The following SMYD3 variants were observed in gnomAD, a reference collection of about 807,000 sequenced individuals.
SMYD3 encodes the protein histone-lysine N-methyltransferase SMYD3.
SMYD3 carries 36 observed loss-of-function variants against 57.7 expected under a neutral mutation model. That is an observed-to-expected ratio of 0.62 (90% CI 0.48 to 0.82). The LOEUF is 0.82. Among genes scored for constraint, SMYD3 ranks in the 40% least tolerant of loss-of-function variants. The pLI is 0.00. For synonymous variants in SMYD3, 211 were observed against 195.0 expected (o/e 1.08, Z -0.68); for missense variants, 515 against 538.8 (o/e 0.96, Z 0.44).
intron 5 of SMYD3, chr1:246,178,797 AGG>A (rs2062479547): frequency 6.6e-6 from 1 of 152,034 alleles, no homozygotes; most frequent in Non-Finnish European, 1.5e-5. Context: ...GCTAGCCAGA[AGG>A]GAAAGACTGA....
rs952347654 is a variant in SMYD3, at chr1:245,924,669, T to G, written c.702+3262A>C. Among the ~76,000 whole-genome samples the G allele has an allele frequency of 8.1e-4, 122 of 150,268 alleles. 1 individual carries two copies. In the East Asian group the frequency reaches 0.02, roughly 24 times the overall value. ...CTCTATTCCAGCTTTTTTTTTTTTT[T>G]TTTTTTTTTCTGAGATGGAGTTTCA... is the stretch of plus-strand genomic sequence containing the variant. On this transcript the variant is annotated intron_variant, in intron 7 of 11. Coordinates refer to ENST00000490107, the MANE Select transcript of SMYD3 (RefSeq NM_001167740.2).
intron 5 of SMYD3, among the ~76,000 whole-genome samples, chr1:245,988,107 A>AACACACAC (rs35432668): frequency 1.2e-4 from 18 of 148,796 alleles, no homozygotes; most frequent in East Asian, 1.0e-3. Context: ...AACCAAACCA[A>AACACACAC]ACACACACAC....
intron 5 of SMYD3, among the ~76,000 whole-genome samples, chr1:246,197,996 A>C (rs76778179): frequency 0.045 from 6,789 of 152,256 alleles, 453 homozygotes; most frequent in East Asian, 0.24. Flanking sequence ...AAACTGCTGG[A>C]TCTGAATCCC....
Position 246,173,101 on chromosome 1 carries a change from T to C in SMYD3, c.531+154100A>G, listed in dbSNP as rs559202959. ...ACTCACTGTACTCTACTGTAGACTT[T>C]ATCAACACTACACACTTAGGCTACA... On this transcript the variant is annotated intron_variant, in intron 5 of 11. Coordinates refer to ENST00000490107, the MANE Select transcript of SMYD3 (RefSeq NM_001167740.2). 4.8e-3 allele frequency among the ~76,000 whole-genome samples: 723 copies of C among 150,710 alleles called. 2 individuals are homozygous for C. The highest frequency in any genetic ancestry group is 0.01 in the Middle Eastern group (3 of 286).
intron 5 of SMYD3, among the ~76,000 whole-genome samples, chr1:246,224,634 G>A (rs2063302138): frequency 6.6e-6 from 1 of 151,852 alleles, no homozygotes; most frequent in Admixed American, 6.6e-5. Flanking sequence ...AGGAAAGGAA[G>A]GAGGAGGAGG....
At chr1:246,321,500 CCTCT>C (rs777568677) in intron 5 of SMYD3, among the ~76,000 whole-genome samples, 13 of 152,192 alleles carry the variant, frequency 8.5e-5, no homozygotes, top group African/African-American at 1.2e-4. Context: ...TTAAATTTGG[CCTCT>C]CTCTAACTGT....
In SMYD3 at chr1:245,989,110, C is replaced by T. The variant is rs137869113; in HGVS notation, c.532-59173G>A. Among the ~76,000 whole-genome samples, 603 of 152,368 alleles carry T rather than the reference C, an allele frequency of 4.0e-3. 7 individuals carry two copies. Among genetic ancestry groups the T allele is most frequent in the Middle Eastern group, 0.031 (9 of 294 alleles). Reference sequence around the variant, plus strand: ...TAACCACTTAGATCATTTCTAACTTCATGATTCCATGACTTCTTAGACTTT... The same window carrying T: ...TAACCACTTAGATCATTTCTAACTTTATGATTCCATGACTTCTTAGACTTT... On this transcript the variant is annotated intron_variant, in intron 5 of 11. Coordinates refer to ENST00000490107, the MANE Select transcript of SMYD3 (RefSeq NM_001167740.2).
chr1:246,145,274 T>A (rs2061825096), intron 5 of SMYD3, among the ~76,000 whole-genome samples: 2 of 152,204 alleles, frequency 1.3e-5, no homozygotes, highest in African/African-American at 4.8e-5. Flanking sequence ...GAAAGCGGTA[T>A]AACATCTAAC....
Position 245,779,960 on chromosome 1 carries a change from C to T in SMYD3, c.1077-15811G>A, listed in dbSNP as rs556027322. On this transcript the variant is annotated intron_variant, in intron 10 of 11. Transcript: ENST00000490107. The stretch of plus-strand genomic sequence containing the variant: ...GATTAGCCATCAGGGAAACGTGACT[C>T]GAAGCCAGTGTAGTACCACCTCACA... Among the ~76,000 whole-genome samples the T allele has an allele frequency of 5.7e-4, 87 of 152,254 alleles. 1 individual carries two copies. The highest frequency in any genetic ancestry group is 2.0e-3 in the Admixed American group (31 of 15,296).
intron 1 of SMYD3, among the ~76,000 whole-genome samples, chr1:246,412,537 AT>A (rs34608226): frequency 1.2e-3 from 172 of 148,956 alleles, no homozygotes; most frequent in Middle Eastern, 3.5e-3. Context: ...ATACTACCTG[AT>A]TTTTTTTTTT....
At chr1:246,198,391 A>G (rs1292272988) in intron 5 of SMYD3, among the ~76,000 whole-genome samples, 2 of 152,260 alleles carry the variant, frequency 1.3e-5, no homozygotes, top group African/African-American at 4.8e-5. Flanking sequence ...GTTTATTTCT[A>G]ATATTCAAAT....
intron 1 of SMYD3, among the ~76,000 whole-genome samples, chr1:246,459,453 T>C (rs1478606437): frequency 6.6e-6 from 1 of 150,722 alleles, no homozygotes; most frequent in Non-Finnish European, 1.5e-5. Flanking sequence ...CCCCCTTCAC[T>C]CTCTTGTTCT....
intron 5 of SMYD3, among the ~76,000 whole-genome samples, chr1:246,211,496 T>C (rs549445707): frequency 3.3e-5 from 5 of 152,176 alleles, no homozygotes; most frequent in African/African-American, 1.2e-4. Flanking sequence ...TCTCCACTGA[T>C]ACCACAATAT....
At chr1:246,383,197 A>G (rs1462475659) in intron 1 of SMYD3, among the ~76,000 whole-genome samples, 1 of 152,274 alleles carries the variant, frequency 6.6e-6, no homozygotes, top group Non-Finnish European at 1.5e-5. Flanking sequence ...CCTTACAGGC[A>G]TGAAAGACAC....
At chr1:246,378,727 A>ATATATAATTATATATAATATAT (rs1339003753) in intron 1 of SMYD3, among the ~76,000 whole-genome samples, 509 of 25,308 alleles carry the variant, frequency 0.02, 12 homozygotes, top group Non-Finnish European at 0.036. Context: ...ATAATATATT[A>ATATATAATTATATATAATATAT]TATATTATAT....
At chr1:246,356,175 C>T (rs183443204) in intron 1 of SMYD3, among the ~76,000 whole-genome samples, 82 of 152,290 alleles carry the variant, frequency 5.4e-4, no homozygotes, top group African/African-American at 1.9e-3. Flanking sequence ...CACTGGGTGG[C>T]TAGACCCAGA....
chr1:246,367,709 G>T (rs2066129316), intron 1 of SMYD3, among the ~76,000 whole-genome samples: 1 of 152,076 alleles, frequency 6.6e-6, no homozygotes, highest in Admixed American at 6.5e-5. Context: ...TGAGATTACA[G>T]GCGTGAGCCA....
chr1:246,355,328 G>A lies in SMYD3; in HGVS notation c.165-234C>T, dbSNP rs2065895041. On this transcript the variant is annotated intron_variant, in intron 1 of 11. Coordinates refer to ENST00000490107, the MANE Select transcript of SMYD3 (RefSeq NM_001167740.2). The surrounding 1 kb of genome is among the most constrained non-coding windows in gnomAD (Gnocchi z 5.0). Reference sequence around the variant, plus strand: ...TCTGACAGAAGATGGCGGGGAAGAGGCAGGACCAGCTTGCAGCTCCCGATC... The same window carrying A: ...TCTGACAGAAGATGGCGGGGAAGAGACAGGACCAGCTTGCAGCTCCCGATC... 6.0e-6 allele frequency: 3 copies of A among 502,820 alleles called. No homozygotes were observed. Among genetic ancestry groups the A allele is most frequent in the Admixed American group, 3.5e-5 (1 of 28,438 alleles). 31.1% of individuals were successfully genotyped at this position (502,820 alleles called of 1,614,324 possible).
rs11485002 is a variant in SMYD3 at position 246,045,464 on chromosome 1, T to C, written c.532-115527A>G. Among the ~76,000 whole-genome samples the C allele has an allele frequency of 3.4e-3, 513 of 152,186 alleles. 4 individuals carry two copies. Among genetic ancestry groups the C allele is most frequent in the Non-Finnish European group, 5.2e-3 (354 of 67,986 alleles). ...CTGAAACTGGATCCCTTCCTTACAC[T>C]TTATACAAAAATTAATTCAAGATGG... On this transcript the variant is annotated intron_variant, in intron 5 of 11. Coordinates refer to ENST00000490107, the MANE Select transcript of SMYD3 (RefSeq NM_001167740.2).
Sources: gnomAD v4.1 joint callset for allele counts (sites outside exome capture counted in the v4.1 genomes callset) on GRCh38, gnomAD v4.1.1 for gene constraint, Gnocchi (gnomAD v3.1) non-coding constraint, MANE v1.5 for transcripts, NCBI Gene and HGNC (gene_info 2026-07-23, HGNC 2026-07-21) for gene names.